Variants in TIAM2 observed in about 807,000 individuals in gnomAD.
TIAM2 encodes the protein rho guanine nucleotide exchange factor TIAM2.
A neutral mutation model predicts 152.9 loss-of-function variants in TIAM2; 80 were observed. The observed-to-expected ratio is 0.52, with a 90% confidence interval of 0.44 to 0.63. TIAM2 has a LOEUF of 0.63. Ranked by LOEUF, TIAM2 falls within the 30% of genes least tolerant of loss-of-function variation. The probability of loss-of-function intolerance (pLI) is 0.00; values close to 1 mark genes in which losing one functional copy is unlikely to be tolerated. For missense variants in TIAM2, 1,965 were observed against 2,120.1 expected, an observed-to-expected ratio of 0.93 and a Z score of 1.44; for synonymous variants, 804 against 838.0, an observed-to-expected ratio of 0.96 and a Z score of 0.70.
At chr6:155,000,955 G>A (rs989526843) in intron 1 of TIAM2, among the ~76,000 whole-genome samples, 3 of 152,188 alleles carry the variant, frequency 2.0e-5, no homozygotes, top group African/African-American at 7.2e-5. Context: ...CTGCACTCCA[G>A]CCTGGGCGAC....
chr6:155,114,034 ATAT>A (rs1287804007), intron 2 of TIAM2, among the ~76,000 whole-genome samples: 8 of 37,772 alleles, frequency 2.1e-4, no homozygotes, highest in Non-Finnish European at 3.3e-4. Context: ...ATATATATAT[ATAT>A]TTTTTTTTTT....
intron 1 of TIAM2, among the ~76,000 whole-genome samples, chr6:155,003,971 C>A (rs1778358458): frequency 2.0e-5 from 3 of 152,222 alleles, no homozygotes; most frequent in Admixed American, 2.0e-4. Context: ...CAACTCCCCC[C>A]AGAAAAGTGC....
intron 1 of TIAM2, chr6:155,005,249 G>A: frequency 4.4e-6 from 1 of 227,542 alleles, no homozygotes; most frequent in Admixed American, 4.1e-5. Flanking sequence ...AATTCCGTCT[G>A]GAAGCAGGCC....
At chr6:155,004,287 G>C (rs1778363156) in intron 1 of TIAM2, among the ~76,000 whole-genome samples, 1 of 152,202 alleles carries the variant, frequency 6.6e-6, no homozygotes, top group South Asian at 2.1e-4. Context: ...TCTTTCCAGA[G>C]TCTTCCTAGT....
intron 15 of TIAM2, chr6:155,217,180 T>C (rs772854161): frequency 3.2e-6 from 4 of 1,260,378 alleles, no homozygotes; most frequent in Non-Finnish European, 4.1e-6. Flanking sequence ...TGATTGAAAG[T>C]TGATTTTGCT....
chr6:155,126,808 CT>C (rs76982750), intron 2 of TIAM2, among the ~76,000 whole-genome samples: 6,250 of 142,112 alleles, frequency 0.044, 248 homozygotes, highest in African/African-American at 0.1. Flanking sequence ...TACAAATAAA[CT>C]TTTTTTTTTT....
At chr6:155,203,770 T>G (rs1355636161) in intron 14 of TIAM2, among the ~76,000 whole-genome samples, 1 of 152,238 alleles carries the variant, frequency 6.6e-6, no homozygotes, top group Non-Finnish European at 1.5e-5. Flanking sequence ...GTTATTTGGC[T>G]GCTATATTTT....
At chr6:155,196,327 T>C (rs1781346696) in intron 14 of TIAM2, among the ~76,000 whole-genome samples, 1 of 152,202 alleles carries the variant, frequency 6.6e-6, no homozygotes, top group African/African-American at 2.4e-5. Flanking sequence ...GGGAACTCCT[T>C]GTGTTTAACT....
At chr6:155,140,573 TGAGAGAGAGAGAGAGAGA>T (rs57939338) in intron 5 of TIAM2, among the ~76,000 whole-genome samples, 68 of 107,474 alleles carry the variant, frequency 6.3e-4, no homozygotes, top group African/African-American at 2.3e-3. Flanking sequence ...TGTGTGTGTG[TGAGAGAGAGAGAGAGAGA>T]GAGAGAGAGA....
chr6:155,042,028 C>A (rs1562298412), intron 1 of TIAM2, among the ~76,000 whole-genome samples: 3 of 151,230 alleles, frequency 2.0e-5, no homozygotes, highest in South Asian at 2.1e-4. Context: ...GACTTTTTTT[C>A]TTTTTTTTTA....
intron 1 of TIAM2, among the ~76,000 whole-genome samples, chr6:155,056,346 A>G (rs1372599574): frequency 6.6e-6 from 1 of 151,076 alleles, no homozygotes; most frequent in Non-Finnish European, 1.5e-5. Flanking sequence ...TAATTTTTGT[A>G]TTTTTCATAG....
chr6:155,141,085 A>T (rs1483238641), intron 5 of TIAM2, among the ~76,000 whole-genome samples: 1 of 152,190 alleles, frequency 6.6e-6, no homozygotes, highest in Non-Finnish European at 1.5e-5. Context: ...GAGCATTGCT[A>T]GATTTGTAGT....
chr6:155,060,452 TAAAG>T (rs1452215021), intron 1 of TIAM2, among the ~76,000 whole-genome samples: 1 of 152,212 alleles, frequency 6.6e-6, no homozygotes, highest in African/African-American at 2.4e-5. Context: ...TCTTTTGCCA[TAAAG>T]ATTGTTTCTT....
At position 155,176,892 on chromosome 6, in the gene TIAM2, A is replaced by G. The variant is rs1327168850; in HGVS notation, c.2438A>G (p.Tyr813Cys). 1.4e-5 allele frequency: 22 copies of G among 1,614,028 alleles called. No homozygotes were observed. The highest frequency in any genetic ancestry group is 1.9e-5 in the Non-Finnish European group (22 of 1,180,010). ...GACAATGCATGGGAAATCCAGACTTATGTCCACTTTCAGGACAATCACGGA... is the reference window on the plus strand; with the variant it reads ...GACAATGCATGGGAAATCCAGACTTGTGTCCACTTTCAGGACAATCACGGA... ...PRDNAWEIQT[Y>C]VHFQDNHGVT... is the part of the protein sequence containing the mutation. Residue 813 changes from tyrosine (Y) to cysteine (C), a missense_variant, in exon 10 of 27, where the codon TAT becomes TGT. Around this residue, in one of 3 missense-constraint regions of TIAM2, gnomAD observed 1,025 missense variants for 1,119.4 expected, o/e 0.92. Coordinates refer to ENST00000682666, the MANE Select transcript of TIAM2 (RefSeq NM_012454.4).
chr6:155,179,202 T>A, intron 11 of TIAM2, 59 bp downstream of exon 11: 3 of 1,527,470 alleles, frequency 2.0e-6, no homozygotes, highest in Non-Finnish European at 2.7e-6. Context: ...CCTTTGATTT[T>A]GAAAAATGTC....
chr6:155,144,658 C>A lies in TIAM2; in HGVS notation c.1683C>A (p.Ser561Arg). ...ATGGGAAGAATTCCATGGATCAGAG[C>A]AGTGCCCCTCGGTGTGCTCTGTTTG... Reference protein sequence around the residue: ...ETYGKNSMDQSSAPRCALFAE... With the variant: ...ETYGKNSMDQRSAPRCALFAE... Residue 561 changes from serine to arginine, a missense_variant, in exon 6 of 27, where the codon AGC (serine) becomes AGA (arginine). Ser to Arg is a moderately radical substitution (Grantham distance 110, BLOSUM62 -1). Coordinates refer to ENST00000682666, the MANE Select transcript of TIAM2 (RefSeq NM_012454.4). The A allele has an allele frequency of 6.2e-7, 1 of 1,601,182 alleles. No homozygotes were observed. Among genetic ancestry groups the A allele is most frequent in the African/African-American group, 1.3e-5 (1 of 74,172 alleles).
At chr6:155,037,495 T>C (rs1046332845) in intron 1 of TIAM2, among the ~76,000 whole-genome samples, 5 of 152,116 alleles carry the variant, frequency 3.3e-5, no homozygotes, top group African/African-American at 1.2e-4. Flanking sequence ...TCAGCATGAA[T>C]AGTTTTCAGT....
chr6:155,254,770 C>A (rs1783896439), intron 26 of TIAM2, 197 bp downstream of exon 26: 2 of 595,034 alleles, frequency 3.4e-6, no homozygotes, highest in African/African-American at 3.7e-5. Flanking sequence ...AACCCCCAGT[C>A]CCTTGTCTTC....
chr6:155,045,215 C>T (rs1777148497), intron 1 of TIAM2, among the ~76,000 whole-genome samples: 2 of 152,032 alleles, frequency 1.3e-5, no homozygotes, highest in South Asian at 4.2e-4. Flanking sequence ...TGCAGGCGCA[C>T]ACCACCACAC....
Sources: gnomAD v4.1 joint callset for allele counts (sites outside exome capture counted in the v4.1 genomes callset) on GRCh38, gnomAD v4.1.1 for gene constraint, gnomAD v4.1.1 regional missense constraint, MANE v1.5 for transcripts, NCBI Gene and HGNC (gene_info 2026-07-23, HGNC 2026-07-21) for gene names.